The following NLRP14 variants were observed in gnomAD, a reference collection of about 807,000 sequenced individuals.
NLRP14 encodes NACHT, LRR and PYD domains-containing protein 14.
In NLRP14, 105 loss-of-function variants were observed where a neutral mutation model predicts 94.7. The observed-to-expected ratio is 1.11, with a 90% confidence interval of 0.95 to 1.30. The LOEUF is 1.30. Among genes scored for constraint, NLRP14 ranks in the 50% most tolerant of loss-of-function variants. The probability of loss-of-function intolerance (pLI) is 0.00; values close to 1 mark genes in which losing one functional copy is unlikely to be tolerated. For missense variants in NLRP14, 1,362 were observed against 1,254.1 expected (o/e 1.09, Z -1.30); for synonymous variants, 508 against 459.9 (o/e 1.10, Z -1.34).
chr11:7,077,453 G>A, the NLRP14 span, among the ~76,000 whole-genome samples: 3 of 152,228 alleles, frequency 2.0e-5, no homozygotes, highest in Non-Finnish European at 4.4e-5. Flanking sequence ...CAGAAAAGTG[G>A]ATGCTTACCA....
the NLRP14 span, chr11:7,090,517 C>A: frequency 1.6e-6 from 1 of 635,168 alleles, no homozygotes; most frequent in Non-Finnish European, 2.8e-6. Context: ...TTTCAACAAG[C>A]TCCTGTTAAA....
At chr11:7,064,500 A>G (rs145465848) in intron 10 of NLRP14, among the ~76,000 whole-genome samples, 343 of 151,106 alleles carry the variant, frequency 2.3e-3, no homozygotes, top group African/African-American at 8.1e-3. Flanking sequence ...CAGGTTCTAA[A>G]GTGTTCCATT....
At chr11:7,022,554 T>A (rs1851962149) in intron 1 of NLRP14, among the ~76,000 whole-genome samples, 1 of 152,208 alleles carries the variant, frequency 6.6e-6, no homozygotes, top group South Asian at 2.1e-4. Flanking sequence ...AAAGGGAATC[T>A]TTAAGCAGCC....
chr11:7,088,166 T>C, the NLRP14 span, among the ~76,000 whole-genome samples: 1 of 152,194 alleles, frequency 6.6e-6, no homozygotes, highest in Non-Finnish European at 1.5e-5. Flanking sequence ...GCTCAGTATA[T>C]ATGGAACATT....
At chr11:7,027,578 A>C (rs537384686) in intron 1 of NLRP14, among the ~76,000 whole-genome samples, 2 of 152,268 alleles carry the variant, frequency 1.3e-5, no homozygotes, top group East Asian at 3.9e-4. Flanking sequence ...GGACACATGT[A>C]GTCTATAGCA....
At position 7,044,043 on chromosome 11, in the gene NLRP14, G is replaced by C. The variant is rs374455022; in HGVS notation, c.1958+59G>C. The C allele has an allele frequency of 6.8e-5, 105 of 1,543,586 alleles. No individual in the cohort carries two copies. The African/African-American group carries it at 1.2e-3, about 18-fold the overall frequency. On this transcript the variant is annotated intron_variant, in intron 4 of 11. Transcript: ENST00000299481. ...CTGTAAGGGAGAGACGTAGATATTT[G>C]TCAGAGGGAGGAGGCGTTTAGCTGA...
At chr11:7,069,451 G>A (rs945322325) in intron 10 of NLRP14, among the ~76,000 whole-genome samples, 12 of 152,056 alleles carry the variant, frequency 7.9e-5, no homozygotes, top group Non-Finnish European at 1.8e-4. Context: ...TACTATTATC[G>A]GCTTGTGCAG....
intron 8 of NLRP14, 95 bp from the exon 9 acceptor site, chr11:7,059,799 A>T: frequency 9.2e-7 from 1 of 1,090,858 alleles, no homozygotes; most frequent in Non-Finnish European, 1.4e-6. Context: ...GTTGGCAAAT[A>T]GATAAGGGAT....
the NLRP14 span, chr11:7,088,913 A>G: frequency 1.1e-5 from 7 of 609,808 alleles, no homozygotes; most frequent in East Asian, 2.8e-5. Context: ...GACTTTCCCG[A>G]CGGCGAATTG....
the NLRP14 span, among the ~76,000 whole-genome samples, chr11:7,081,689 A>G: frequency 2.0e-5 from 3 of 152,228 alleles, no homozygotes; most frequent in African/African-American, 7.2e-5. Flanking sequence ...ACATAAGGCA[A>G]GGAAGGGGGA....
downstream of NLRP14, among the ~76,000 whole-genome samples, chr11:7,074,329 C>T (rs1178186945): frequency 1.3e-5 from 2 of 152,216 alleles, no homozygotes; most frequent in African/African-American, 4.8e-5. Context: ...GGTGGCTTTA[C>T]TGAGGTTGAT....
At chr11:7,078,712 C>T in the NLRP14 span, among the ~76,000 whole-genome samples, 18 of 151,490 alleles carry the variant, frequency 1.2e-4, no homozygotes, top group African/African-American at 3.4e-4. Context: ...TGCTTGAACC[C>T]GGGAGGCAGA....
intron 10 of NLRP14, among the ~76,000 whole-genome samples, chr11:7,067,841 A>T (rs1320859117): frequency 6.6e-6 from 1 of 152,046 alleles, no homozygotes; most frequent in Admixed American, 6.6e-5. Flanking sequence ...CTTATCTTTT[A>T]GTTTCCTGAG....
At chr11:7,070,246 G>T in intron 10 of NLRP14, 40 bp from the exon 11 acceptor site, 1 of 1,475,786 alleles carries the variant, frequency 6.8e-7, no homozygotes, top group South Asian at 1.1e-5. Context: ...TTGTGTCATC[G>T]AATAAATTCA....
At chr11:7,088,855 G>T in the NLRP14 span, among the ~76,000 whole-genome samples, 1,889 of 152,304 alleles carry the variant, frequency 0.012, 21 homozygotes, top group Middle Eastern at 0.031. Context: ...TTAAGACCGG[G>T]TCAGGTGAAC....
At chr11:7,028,516 C>T (rs117865720) in intron 1 of NLRP14, among the ~76,000 whole-genome samples, 1 of 152,090 alleles carries the variant, frequency 6.6e-6, no homozygotes, top group East Asian at 1.9e-4. Context: ...CATATAGAAC[C>T]AGGATGATTC....
intron 1 of NLRP14, among the ~76,000 whole-genome samples, chr11:7,024,035 T>G (rs1851981755): frequency 6.6e-6 from 1 of 151,930 alleles, no homozygotes. Context: ...CAGAAACATA[T>G]GAAACACAAT....
chr11:7,090,254 T>A, the NLRP14 span: 2 of 1,608,742 alleles, frequency 1.2e-6, no homozygotes, highest in Non-Finnish European at 1.7e-6. Flanking sequence ...GCGGAGGCCG[T>A]CTAGGAGGCC....
Position 7,038,605 on chromosome 11 carries a change from T to G in NLRP14, c.19T>G (p.Ser7Ala). The G allele has an allele frequency of 6.2e-7, 1 of 1,614,006 alleles. No individual in the cohort carries two copies. Among genetic ancestry groups the G allele is most frequent in the Non-Finnish European group, 8.5e-7 (1 of 1,180,004 alleles). Reference sequence around the variant, plus strand: ...GGACAAGATGGCAGATTCATCATCATCTTCTTTCTTTCCTGATTTTGGGCT... The same window carrying G: ...GGACAAGATGGCAGATTCATCATCAGCTTCTTTCTTTCCTGATTTTGGGCT... MADSSS[S>A]SFFPDFGLLL... Residue 7 changes from serine to alanine, a missense_variant, in exon 2 of 12, where the codon TCT (serine) becomes GCT (alanine). Ser to Ala is a moderately conservative substitution (Grantham distance 99). Transcript: ENST00000299481.
Sources: gnomAD v4.1 joint callset for allele counts (sites outside exome capture counted in the v4.1 genomes callset) on GRCh38, gnomAD v4.1.1 for gene constraint, MANE v1.5 for transcripts, NCBI Gene and HGNC (gene_info 2026-07-23, HGNC 2026-07-21) for gene names.